DCLK2: variants seen among roughly 807,000 people sequenced by gnomAD.
DCLK2 encodes serine/threonine-protein kinase DCLK2.
Under a neutral mutation model 78.4 loss-of-function variants are expected in DCLK2, and 31 were observed. That is an observed-to-expected ratio of 0.40 (90% CI 0.30 to 0.53). DCLK2 has a LOEUF of 0.53. DCLK2 is among the 20% of genes least tolerant of loss of function. The pLI is 0.61. For missense variants in DCLK2, 872 were observed against 973.7 expected, an observed-to-expected ratio of 0.90 and a Z score of 1.39; for synonymous variants, 407 against 374.9, an observed-to-expected ratio of 1.09 and a Z score of -0.99.
At chr4:150,242,798 A>G (rs1743024599) in intron 12 of DCLK2, among the ~76,000 whole-genome samples, 1 of 152,214 alleles carries the variant, frequency 6.6e-6, no homozygotes, top group Admixed American at 6.5e-5. Flanking sequence ...AGCTAACCCA[A>G]GAGTAAATGT....
At chr4:150,119,227 G>T (rs1732346254) in intron 2 of DCLK2, among the ~76,000 whole-genome samples, 1 of 151,942 alleles carries the variant, frequency 6.6e-6, no homozygotes, top group African/African-American at 2.4e-5. Flanking sequence ...ATGTTAAATT[G>T]GCTAGATATA....
intron 8 of DCLK2, 67 bp from the exon 9 acceptor site, chr4:150,232,270 C>A: frequency 6.4e-7 from 1 of 1,571,428 alleles, no homozygotes; most frequent in South Asian, 1.2e-5. Flanking sequence ...TTTTGCTGTC[C>A]TCCAGGCCTT....
chr4:150,181,995 G>T (rs1244300370), intron 2 of DCLK2, among the ~76,000 whole-genome samples: 1 of 151,730 alleles, frequency 6.6e-6, no homozygotes, highest in African/African-American at 2.4e-5. Flanking sequence ...AGGACCAAAT[G>T]ATTTACCTTT....
intron 2 of DCLK2, among the ~76,000 whole-genome samples, chr4:150,174,045 C>G (rs1045291755): frequency 2.6e-5 from 4 of 152,176 alleles, no homozygotes; most frequent in Admixed American, 6.5e-5. Flanking sequence ...CTAACAGTAG[C>G]AGTCCTCAGA....
intron 12 of DCLK2, among the ~76,000 whole-genome samples, chr4:150,246,587 C>T (rs2126620292): frequency 6.6e-6 from 1 of 152,324 alleles, no homozygotes; most frequent in East Asian, 1.9e-4. Flanking sequence ...TTGACTCCAA[C>T]AGCCCATTCT....
chr4:150,088,397 T>C (rs1324179897), intron 1 of DCLK2, among the ~76,000 whole-genome samples: 1 of 57,166 alleles, frequency 1.7e-5, no homozygotes, highest in Admixed American at 1.5e-4. Flanking sequence ...GTCCTCAGCT[T>C]TTTTTTTTTC....
chr4:150,090,643 A>G (rs1729994825), intron 1 of DCLK2, among the ~76,000 whole-genome samples: 1 of 152,138 alleles, frequency 6.6e-6, no homozygotes, highest in Non-Finnish European at 1.5e-5. Flanking sequence ...TCGTTTTTAC[A>G]TTTAGCTAAT....
chr4:150,103,255 A>G (rs903266740), intron 2 of DCLK2, among the ~76,000 whole-genome samples: 1 of 152,234 alleles, frequency 6.6e-6, no homozygotes, highest in South Asian at 2.1e-4. Context: ...TACATATAAT[A>G]GGGAAAATGT....
intron 1 of DCLK2, among the ~76,000 whole-genome samples, chr4:150,098,613 G>A (rs1166842290): frequency 6.6e-6 from 1 of 152,022 alleles, no homozygotes; most frequent in African/African-American, 2.4e-5. Flanking sequence ...TAGTGCACCT[G>A]TCACTTTGTT....
intron 12 of DCLK2, among the ~76,000 whole-genome samples, chr4:150,247,005 C>T (rs1743370467): frequency 6.6e-6 from 1 of 152,102 alleles, no homozygotes; most frequent in Non-Finnish European, 1.5e-5. Context: ...TCCTGAACTC[C>T]TTATGACTTT....
At chr4:150,093,357 A>G (rs999158755) in intron 1 of DCLK2, among the ~76,000 whole-genome samples, 1 of 152,364 alleles carries the variant, frequency 6.6e-6, no homozygotes, top group South Asian at 2.1e-4. Flanking sequence ...TACAGATTCA[A>G]TGCAATTATG....
rs541179153 is a variant in DCLK2, at chr4:150,199,390, G to C, written c.961+1287G>C. 7.7e-4 allele frequency among the ~76,000 whole-genome samples: 117 copies of C among 152,322 alleles called. 1 individual carries two copies. Among genetic ancestry groups the C allele is most frequent in the African/African-American group, 2.8e-3 (115 of 41,580 alleles). On this transcript the variant is annotated intron_variant, in intron 4 of 15. Coordinates refer to ENST00000296550, the MANE Select transcript of DCLK2 (RefSeq NM_001040260.4). Reference sequence around the variant, plus strand: ...GAGCAATGTTCTGCTACTGAAAAAGGCTGAAGTTTGTTGGTAATGTGAAAA... The same window carrying C: ...GAGCAATGTTCTGCTACTGAAAAAGCCTGAAGTTTGTTGGTAATGTGAAAA...
chr4:150,112,697 A>AT (rs889131399), intron 2 of DCLK2, among the ~76,000 whole-genome samples: 15 of 149,376 alleles, frequency 1.0e-4, no homozygotes, highest in East Asian at 2.0e-4. Flanking sequence ...AGATGCTCAT[A>AT]TTTTTTTTTA....
intron 2 of DCLK2, among the ~76,000 whole-genome samples, chr4:150,111,671 G>A (rs575938130): frequency 1.3e-5 from 2 of 152,034 alleles, no homozygotes; most frequent in South Asian, 4.1e-4. Flanking sequence ...TAAGGGGTAG[G>A]GAATCCAGTT....
intron 2 of DCLK2, among the ~76,000 whole-genome samples, chr4:150,149,133 C>T (rs1734705637): frequency 6.6e-6 from 1 of 151,462 alleles, no homozygotes. Flanking sequence ...CCATAAGATA[C>T]CTGTGAACCA....
intron 2 of DCLK2, among the ~76,000 whole-genome samples, chr4:150,168,185 T>C (rs1736245039): frequency 1.3e-5 from 2 of 151,860 alleles, no homozygotes; most frequent in African/African-American, 4.8e-5. Context: ...CTACTAAAAA[T>C]ACAAAAAATT....
At chr4:150,143,721 T>A (rs1382382180) in intron 2 of DCLK2, among the ~76,000 whole-genome samples, 1 of 152,162 alleles carries the variant, frequency 6.6e-6, no homozygotes, top group Non-Finnish European at 1.5e-5. Flanking sequence ...AACATCTGTT[T>A]TTTGACTTTC....
At chr4:150,248,273 C>T in intron 13 of DCLK2, 32 bp from the exon 14 acceptor site, 1 of 1,588,782 alleles carries the variant, frequency 6.3e-7, no homozygotes, top group East Asian at 2.2e-5. Context: ...CTTTCTCCTC[C>T]TCTGTGGTCT....
At chr4:150,235,580 A>G (rs903587603) in intron 10 of DCLK2, among the ~76,000 whole-genome samples, 9 of 152,190 alleles carry the variant, frequency 5.9e-5, no homozygotes, top group Admixed American at 1.3e-4. Flanking sequence ...GGAAGAGGCG[A>G]ATATGTGATG....
Sources: allele counts gnomAD v4.1 joint callset (sites outside exome capture counted in the v4.1 genomes callset), GRCh38; gene constraint gnomAD v4.1.1; transcripts MANE v1.5; gene names NCBI Gene and HGNC (gene_info 2026-07-23, HGNC 2026-07-21).